The following TENM4 variants were observed in gnomAD, a reference collection of about 807,000 sequenced individuals.
TENM4 encodes the protein teneurin-4.
A neutral mutation model predicts 243.3 loss-of-function variants in TENM4; 82 were observed. The ratio of observed to expected loss-of-function variants is 0.34; its 90% CI spans 0.28 to 0.40. The LOEUF is 0.40. Ranked by LOEUF, TENM4 falls within the 10% of genes least tolerant of loss-of-function variation. The pLI is 1.00. For missense variants in TENM4, 3,138 were observed against 3,673.3 expected (o/e 0.85, Z 3.77); for synonymous variants, 1,412 against 1,456.3 (o/e 0.97, Z 0.69).
chr11:78,737,543 C>T (rs1855829426), intron 20 of TENM4, among the ~76,000 whole-genome samples: 1 of 152,220 alleles, frequency 6.6e-6, no homozygotes, highest in Non-Finnish European at 1.5e-5. Flanking sequence ...TAATTTCCAA[C>T]ACAGAGTGAA....
At chr11:79,009,626 T>C (rs1356072726) in intron 6 of TENM4, among the ~76,000 whole-genome samples, 4 of 152,128 alleles carry the variant, frequency 2.6e-5, no homozygotes, top group Non-Finnish European at 4.4e-5. Context: ...TAGGATCACT[T>C]AGTGTTGTTG....
intron 2 of TENM4, among the ~76,000 whole-genome samples, chr11:79,283,381 T>C (rs1856193315): frequency 6.6e-6 from 1 of 152,058 alleles, no homozygotes; most frequent in Admixed American, 6.6e-5. Flanking sequence ...CCAAGTGGGA[T>C]TTATTAAGGA....
chr11:79,255,191 T>C (rs1010383239), intron 2 of TENM4, among the ~76,000 whole-genome samples: 6 of 152,218 alleles, frequency 3.9e-5, no homozygotes, highest in Non-Finnish European at 7.3e-5. Context: ...CCATCTCAAG[T>C]GTCCAAGTTT....
At chr11:79,056,907 C>T (rs945678581) in intron 6 of TENM4, among the ~76,000 whole-genome samples, 1 of 152,206 alleles carries the variant, frequency 6.6e-6, no homozygotes, top group Non-Finnish European at 1.5e-5. Context: ...CCCGTCCTTA[C>T]AGTACTGGCA....
chr11:79,081,815 T>C (rs1860682857), intron 4 of TENM4, among the ~76,000 whole-genome samples: 1 of 152,122 alleles, frequency 6.6e-6, no homozygotes, highest in African/African-American at 2.4e-5. Flanking sequence ...CCAGCCCTTA[T>C]ATTTCCTCCT....
intron 9 of TENM4, among the ~76,000 whole-genome samples, chr11:78,885,161 C>G (rs1031150083): frequency 2.6e-5 from 4 of 152,206 alleles, no homozygotes; most frequent in Non-Finnish European, 5.9e-5. Context: ...CTAAAACTAG[C>G]ATTGCCCCTT....
At chr11:78,925,676 G>A (rs1349125096) in intron 6 of TENM4, among the ~76,000 whole-genome samples, 1 of 152,136 alleles carries the variant, frequency 6.6e-6, no homozygotes, top group East Asian at 1.9e-4. Context: ...TGTTCCAGAA[G>A]GTCACCTCCC....
intron 14 of TENM4, 25 bp downstream of exon 14, chr11:78,812,097 C>T (rs372770390): frequency 4.5e-5 from 70 of 1,543,244 alleles, no homozygotes; most frequent in African/African-American, 1.4e-4. Context: ...AGGAAGGTGC[C>T]GGAGCTGCCA....
chr11:78,857,580 T>C (rs1373776347), intron 10 of TENM4, among the ~76,000 whole-genome samples: 1 of 152,244 alleles, frequency 6.6e-6, no homozygotes, highest in African/African-American at 2.4e-5. Flanking sequence ...AGCTTCAAAC[T>C]GTTAAATGTT....
At chr11:79,198,704 T>C (rs1863683561) in intron 3 of TENM4, among the ~76,000 whole-genome samples, 2 of 152,024 alleles carry the variant, frequency 1.3e-5, no homozygotes, top group African/African-American at 4.8e-5. Context: ...AATTGACAAA[T>C]ATGTATTGGG....
chr11:78,838,905 G>C (rs1391607162), intron 12 of TENM4, among the ~76,000 whole-genome samples: 1 of 152,094 alleles, frequency 6.6e-6, no homozygotes, highest in African/African-American at 2.4e-5. Context: ...TTGCAGACTC[G>C]GGTTACATTT....
At chr11:78,940,081 C>T (rs1234358214) in intron 6 of TENM4, among the ~76,000 whole-genome samples, 2 of 152,032 alleles carry the variant, frequency 1.3e-5, no homozygotes, top group East Asian at 1.9e-4. Flanking sequence ...ACAGTAATAA[C>T]TGCTGTTAAT....
rs558783115 is a variant in TENM4, at chr11:79,313,700, A to T, written c.-320-16157T>A. 5.3e-5 allele frequency among the ~76,000 whole-genome samples: 8 copies of T among 152,308 alleles called. No homozygotes were observed. The South Asian group carries it at 6.2e-4, about 12-fold the overall frequency. On this transcript the variant is annotated intron_variant, in intron 1 of 33. Coordinates refer to ENST00000278550, the MANE Select transcript of TENM4 (RefSeq NM_001098816.3). ...CATGAATGATGGCTTCAGACTCAAC[A>T]AATGGCCTCCATCTATCATCACCGA...
intron 3 of TENM4, among the ~76,000 whole-genome samples, chr11:79,160,351 TC>T (rs1229009631): frequency 6.6e-6 from 1 of 152,168 alleles, no homozygotes; most frequent in Non-Finnish European, 1.5e-5. Flanking sequence ...TCCTCTAGTA[TC>T]CAGGAAGGCA....
intron 1 of TENM4, among the ~76,000 whole-genome samples, chr11:79,399,507 A>G (rs529708683): frequency 1.3e-5 from 2 of 152,140 alleles, no homozygotes; most frequent in Non-Finnish European, 2.9e-5. Context: ...TTGAGAGGAG[A>G]CCCTAAAATT....
In TENM4 at chr11:78,805,277, T is replaced by TCCCCA; in HGVS notation, c.2179+14_2179+15insTGGGG. On this transcript the variant is annotated intron_variant, in intron 15 of 33. Transcript: ENST00000278550. ...CCCCTCCCTCTACCCATGCTTCTTC[T>TCCCCA]CCCCCTGCATTTACCGATAGAACAG... The TCCCCA allele has an allele frequency of 6.4e-6, 9 of 1,402,538 alleles. No individual in the cohort carries two copies. Among genetic ancestry groups the TCCCCA allele is most frequent in the East Asian group, 3.1e-5 (1 of 32,218 alleles). The allele number at this position is 1,402,538 out of a possible 1,614,324, so 86.9% of individuals were successfully genotyped here.
intron 2 of TENM4, among the ~76,000 whole-genome samples, chr11:79,276,937 G>A (rs139603791): frequency 1.5e-3 from 221 of 152,116 alleles, no homozygotes; most frequent in Non-Finnish European, 2.6e-3. Context: ...CTCAGGAAAG[G>A]GCTGAAGACA....
At chr11:78,789,334 A>G (rs1857006018) in intron 15 of TENM4, among the ~76,000 whole-genome samples, 1 of 152,114 alleles carries the variant, frequency 6.6e-6, no homozygotes, top group African/African-American at 2.4e-5. Flanking sequence ...GAGCTATGTC[A>G]AGCAGCCCCC....
At chr11:78,883,523 A>T (rs757553357) in intron 9 of TENM4, among the ~76,000 whole-genome samples, 5 of 152,356 alleles carry the variant, frequency 3.3e-5, no homozygotes, top group Non-Finnish European at 7.4e-5. Context: ...AGCAATCAGC[A>T]ACCAGTGTCC....
Sources: gnomAD v4.1 joint callset for allele counts (sites outside exome capture counted in the v4.1 genomes callset) on GRCh38, gnomAD v4.1.1 for gene constraint, MANE v1.5 for transcripts, NCBI Gene and HGNC (gene_info 2026-07-23, HGNC 2026-07-21) for gene names.